PTBP3: variants seen among roughly 807,000 people sequenced by gnomAD.
PTBP3 encodes the protein polypyrimidine tract binding protein 3.
In PTBP3, 20 loss-of-function variants were observed where a neutral mutation model predicts 58.7. The observed-to-expected ratio is 0.34, with a 90% CI of 0.24 to 0.50. PTBP3 has a LOEUF of 0.50. PTBP3 is among the 20% of genes least tolerant of loss of function. The pLI is 0.98. For missense variants in PTBP3, 509 were observed against 637.2 expected, an observed-to-expected ratio of 0.80 and a Z score of 2.17; for synonymous variants, 185 against 219.8, an observed-to-expected ratio of 0.84 and a Z score of 1.40.
chr9:112,279,429 G>A (rs1294826618), intron 2 of PTBP3, among the ~76,000 whole-genome samples: 1 of 152,054 alleles, frequency 6.6e-6, no homozygotes, highest in Non-Finnish European at 1.5e-5. Flanking sequence ...CTCAAAACTA[G>A]AAGAATCTGT....
chr9:112,262,427 C>G lies in PTBP3; in HGVS notation c.516+8G>C. On this transcript the variant is annotated splice_region_variant and intron_variant, in intron 5 of 13. Transcript: ENST00000374257. ...TTAACTTTCTTAAGGGTATTTATTC[C>G]TCCTTACCTGATGAAGAACTTCCAG... 6.3e-7 allele frequency: 1 copy of G among 1,586,666 alleles called. No individual in the cohort carries two copies. Among genetic ancestry groups the G allele is most frequent in the Non-Finnish European group, 8.6e-7 (1 of 1,169,266 alleles).
At chr9:112,355,794 A>G in the PTBP3 span, among the ~76,000 whole-genome samples, 1 of 151,162 alleles carries the variant, frequency 6.6e-6, no homozygotes, top group Non-Finnish European at 1.5e-5. Context: ...TAATTTTTGT[A>G]TTTTTTTGTA....
intron 1 of PTBP3, among the ~76,000 whole-genome samples, chr9:112,332,442 G>T (rs1229839486): frequency 2.0e-5 from 3 of 152,124 alleles, no homozygotes; most frequent in Non-Finnish European, 4.4e-5. Flanking sequence ...TACTGTTCTA[G>T]CAAGTTGCAT....
At chr9:112,277,737 T>C (rs1392684025) in intron 2 of PTBP3, among the ~76,000 whole-genome samples, 2 of 151,704 alleles carry the variant, frequency 1.3e-5, no homozygotes, top group East Asian at 3.9e-4. Flanking sequence ...ATTAGCAGGA[T>C]GTGCTGGCGT....
chr9:112,270,492 A>C (rs1054264611), intron 3 of PTBP3, among the ~76,000 whole-genome samples: 12 of 152,156 alleles, frequency 7.9e-5, no homozygotes, highest in African/African-American at 2.9e-4. Context: ...ACGCTTTTGA[A>C]TTTTTTTAAT....
the PTBP3 span, among the ~76,000 whole-genome samples, chr9:112,376,531 C>T: frequency 2.2e-4 from 33 of 152,016 alleles, no homozygotes; most frequent in Non-Finnish European, 4.3e-4. Flanking sequence ...GGATTACAGG[C>T]ATAAGCCACC....
chr9:112,260,608 A>G (rs1186052885), intron 5 of PTBP3, among the ~76,000 whole-genome samples: 2 of 152,228 alleles, frequency 1.3e-5, no homozygotes, highest in East Asian at 1.9e-4. Flanking sequence ...ACAGAAATGG[A>G]CTAAGGACAG....
At chr9:112,245,750 A>T (rs1416783752) in intron 7 of PTBP3, among the ~76,000 whole-genome samples, 2 of 152,132 alleles carry the variant, frequency 1.3e-5, no homozygotes, top group Admixed American at 1.3e-4. Context: ...TCCAATTATG[A>T]GGGTGGCATG....
intron 1 of PTBP3, among the ~76,000 whole-genome samples, chr9:112,331,210 GA>G (rs1397960687): frequency 6.6e-6 from 1 of 151,552 alleles, no homozygotes; most frequent in African/African-American, 2.4e-5. Flanking sequence ...CCCAAATAAG[GA>G]AAAAGGATCT....
downstream of PTBP3, chr9:112,218,000 TGTGTCTCAAA>T (rs1398113104): frequency 2.0e-5 from 3 of 152,186 alleles, no homozygotes; most frequent in African/African-American, 7.2e-5. Flanking sequence ...GATCACACCT[TGTGTCTCAAA>T]GTGTATGTAT....
intron 7 of PTBP3, among the ~76,000 whole-genome samples, chr9:112,248,455 C>T (rs545137142): frequency 6.6e-6 from 1 of 151,922 alleles, no homozygotes; most frequent in South Asian, 2.1e-4. Flanking sequence ...GATGGGTGCA[C>T]CGAAATCTCA....
the PTBP3 span, among the ~76,000 whole-genome samples, chr9:112,362,109 C>T: frequency 6.6e-6 from 1 of 152,064 alleles, no homozygotes; most frequent in African/African-American, 2.4e-5. Flanking sequence ...GAGGCTGAGG[C>T]AGGAGGATTG....
chr9:112,239,077 G>C (rs1324485499), intron 7 of PTBP3, among the ~76,000 whole-genome samples: 2 of 152,072 alleles, frequency 1.3e-5, no homozygotes, highest in Non-Finnish European at 2.9e-5. Context: ...TAACATCACA[G>C]GTAAGGAGGA....
the PTBP3 span, among the ~76,000 whole-genome samples, chr9:112,353,363 C>T: frequency 1.3e-5 from 2 of 151,144 alleles, no homozygotes; most frequent in Non-Finnish European, 2.9e-5. Flanking sequence ...AAAGAGACAG[C>T]TGTGAGTAAG....
chr9:112,282,594 G>A (rs747648271), intron 2 of PTBP3, among the ~76,000 whole-genome samples: 12 of 151,746 alleles, frequency 7.9e-5, no homozygotes, highest in South Asian at 2.1e-4. Context: ...AAGTAGCTTC[G>A]AATATCCCTT....
intron 7 of PTBP3, among the ~76,000 whole-genome samples, chr9:112,236,115 A>C (rs1375925317): frequency 6.6e-6 from 1 of 151,998 alleles, no homozygotes; most frequent in African/African-American, 2.4e-5. Flanking sequence ...AGGAGTTAAA[A>C]ACTCATATAA....
chr9:112,302,580 A>ATTTTTTTTT (rs1828984896), intron 1 of PTBP3, among the ~76,000 whole-genome samples: 1 of 79,474 alleles, frequency 1.3e-5, no homozygotes, highest in Non-Finnish European at 2.3e-5. Context: ...TATATTCTTC[A>ATTTTTTTTT]TCTTTTTTTT....
At chr9:112,268,567 A>G (rs1265691925) in intron 3 of PTBP3, among the ~76,000 whole-genome samples, 1 of 137,616 alleles carries the variant, frequency 7.3e-6, no homozygotes, top group African/African-American at 2.6e-5. Context: ...ATGGTGGCAC[A>G]TGGCTGTGGT....
At chr9:112,306,607 T>A (rs1245691662) in intron 1 of PTBP3, among the ~76,000 whole-genome samples, 1,150 of 50,394 alleles carry the variant, frequency 0.023, 8 homozygotes, top group African/African-American at 0.056. Flanking sequence ...TATATATATT[T>A]TTGTTTGTTT....
Sources: gnomAD v4.1 joint callset for allele counts (sites outside exome capture counted in the v4.1 genomes callset) on GRCh38, gnomAD v4.1.1 for gene constraint, MANE v1.5 for transcripts, NCBI Gene and HGNC (gene_info 2026-07-23, HGNC 2026-07-21) for gene names.